The following ITGA1 variants were observed in gnomAD, a reference collection of about 807,000 sequenced individuals.
ITGA1 encodes the protein integrin subunit alpha 1, also known as integrin alpha-1.
In ITGA1, 85 loss-of-function variants were observed where a neutral mutation model predicts 145.9. The observed-to-expected ratio is 0.58, with a 90% CI of 0.49 to 0.70. The LOEUF is 0.70. Among genes scored for constraint, ITGA1 ranks in the 30% least tolerant of loss-of-function variants. ITGA1 has a pLI of 0.00. For synonymous variants in ITGA1, 520 were observed against 495.3 expected (o/e 1.05, Z -0.66); for missense variants, 1,351 against 1,418.7 (o/e 0.95, Z 0.77).
rs1750898606 is a variant in ITGA1, at chr5:52,931,938, A to AGTTGC, written c.2772-109_2772-108insGTTGC. The AGTTGC allele has an allele frequency of 2.2e-5, 14 of 644,728 alleles. No homozygotes were observed. The Admixed American group carries it at 4.0e-4, about 18-fold the overall frequency. 39.9% of individuals were successfully genotyped at this position (644,728 alleles called of 1,614,324 possible). On this transcript the variant is annotated intron_variant, in intron 21 of 28. Transcript: ENST00000282588. ...AAAAATGATTAAAAATTATACTCTT[A>AGTTGC]CATGCTTTTATTTAGTTGCCAGGAT...
chr5:52,851,341 C>G (rs1238015926), intron 2 of ITGA1, among the ~76,000 whole-genome samples: 1 of 151,960 alleles, frequency 6.6e-6, no homozygotes, highest in Admixed American at 6.6e-5. Context: ...CCTTAGTGCC[C>G]CCATTTGATC....
At chr5:52,948,561 C>G (rs1751168115) in intron 28 of ITGA1, among the ~76,000 whole-genome samples, 1 of 152,128 alleles carries the variant, frequency 6.6e-6, no homozygotes, top group African/African-American at 2.4e-5. Context: ...TAAATAGAAT[C>G]CATGGCTTTT....
In ITGA1 at chr5:52,958,112, A is replaced by G. The variant is rs1053325888; in HGVS notation, c.*5661A>G. ...GATTACTGGGAAGCAGTGAGCCAACATAATTGTCCTTTCCTCTACAGAATA... is the reference window on the plus strand; with the variant it reads ...GATTACTGGGAAGCAGTGAGCCAACGTAATTGTCCTTTCCTCTACAGAATA... On this transcript the variant is annotated 3_prime_UTR_variant, in exon 29 of 29. Coordinates refer to ENST00000282588, the MANE Select transcript of ITGA1 (RefSeq NM_181501.2). The G allele has an allele frequency of 6.6e-6, 1 of 152,154 alleles. No individual in the cohort carries two copies. Among genetic ancestry groups the G allele is most frequent in the African/African-American group, 2.4e-5 (1 of 41,426 alleles). The allele number at this position is 152,154 out of a possible 1,614,324, so 9.4% of individuals were successfully genotyped here.
chr5:52,821,469 G>A (rs1218844838), intron 1 of ITGA1, among the ~76,000 whole-genome samples: 1 of 152,064 alleles, frequency 6.6e-6, no homozygotes, highest in Non-Finnish European at 1.5e-5. Context: ...ATACAGAATT[G>A]GTAAATGGAA....
chr5:52,948,156 AGC>A (rs1751162729), intron 28 of ITGA1, among the ~76,000 whole-genome samples: 2 of 152,326 alleles, frequency 1.3e-5, no homozygotes, highest in South Asian at 4.1e-4. Context: ...AACTCTTAGC[AGC>A]TGTATAATTT....
chr5:52,929,706 GT>G lies in ITGA1; in HGVS notation c.2771+8del. The stretch of plus-strand genomic sequence containing the variant: ...CATTTATTTAAGTGCAACAAGGTTG[GT>G]TTACATGTGTATAAATGTATGTATA... On this transcript the variant is annotated splice_donor_region_variant and intron_variant, in intron 21 of 28. Transcript: ENST00000282588. The G allele has an allele frequency of 6.7e-7, 1 of 1,494,282 alleles. No homozygotes were observed. Among genetic ancestry groups the G allele is most frequent in the Non-Finnish European group, 9.3e-7 (1 of 1,076,338 alleles). The allele number at this position is 1,494,282 out of a possible 1,614,324, so 92.6% of individuals were successfully genotyped here. A position where few individuals can be genotyped will look rare whatever the true frequency, so the allele number is the denominator to read the frequency against.
In ITGA1 at chr5:52,954,746, T is replaced by C. The variant is rs1751278198; in HGVS notation, c.*2295T>C. 1 of 152,106 alleles carries C rather than the reference T, an allele frequency of 6.6e-6. No homozygotes were observed. Among genetic ancestry groups the C allele is most frequent in the Non-Finnish European group, 1.5e-5 (1 of 68,002 alleles). 9.4% of individuals were successfully genotyped at this position (152,106 alleles called of 1,614,324 possible). A position where few individuals can be genotyped will look rare whatever the true frequency, so the allele number is the denominator to read the frequency against. ...ACAAAAGCTATATCTGCAAGACAAG[T>C]TTGATTCATCTAGTTTCATATAGTT... On this transcript the variant is annotated 3_prime_UTR_variant, in exon 29 of 29. Coordinates refer to ENST00000282588, the MANE Select transcript of ITGA1 (RefSeq NM_181501.2).
At chr5:52,865,157 C>G (rs1327822355) in intron 5 of ITGA1, 75 bp downstream of exon 5, 2 of 1,058,660 alleles carry the variant, frequency 1.9e-6, no homozygotes, top group Non-Finnish European at 2.8e-6. Flanking sequence ...TACAAAGGAA[C>G]ATACCAAAAA....
Position 52,915,487 on chromosome 5 carries a change from T to C in ITGA1, c.1881T>C (p.Gly627=). The C allele has an allele frequency of 6.2e-7, 1 of 1,614,062 alleles. No homozygotes were observed. ...AGCGTATTCCATCAGGTGGGGATGG[T>C]AAGACACTGAAATTTTTTGGCCAGT... The part of the protein sequence containing the change: ...YAQRIPSGGD[G]KTLKFFGQSI... The change falls in exon 15 of 29, where the codon GGT becomes GGC. Residue 627 remains glycine (G), a synonymous_variant. Coordinates refer to ENST00000282588, the MANE Select transcript of ITGA1 (RefSeq NM_181501.2).
chr5:52,910,856 T>A (rs1437371275), intron 14 of ITGA1, among the ~76,000 whole-genome samples: 2 of 141,876 alleles, frequency 1.4e-5, no homozygotes, highest in East Asian at 4.2e-4. Flanking sequence ...AGTGTATATA[T>A]ACACACTATA....
chr5:52,918,667 T>C, intron 15 of ITGA1, 65 bp from the exon 16 acceptor site: 1 of 1,532,720 alleles, frequency 6.5e-7, no homozygotes, highest in Admixed American at 2.0e-5. Flanking sequence ...CACTTTGCAC[T>C]CCCAAGTTGA....
chr5:52,820,127 A>C (rs1268447884), intron 1 of ITGA1, among the ~76,000 whole-genome samples: 1 of 151,892 alleles, frequency 6.6e-6, no homozygotes, highest in Non-Finnish European at 1.5e-5. Context: ...TTGGCAATGC[A>C]GGCTCATTTT....
chr5:52,873,983 C>G (rs1412460654), intron 6 of ITGA1, among the ~76,000 whole-genome samples: 1 of 151,762 alleles, frequency 6.6e-6, no homozygotes, highest in Non-Finnish European at 1.5e-5. Flanking sequence ...AACTCCATTC[C>G]TTCATAACTC....
At chr5:52,890,309 T>A (rs371808368) in intron 8 of ITGA1, among the ~76,000 whole-genome samples, 1 of 152,142 alleles carries the variant, frequency 6.6e-6, no homozygotes. Context: ...TTAAAAAGAG[T>A]GTAATGCTGT....
At chr5:52,917,498 A>C (rs1409734212) in intron 15 of ITGA1, among the ~76,000 whole-genome samples, 1 of 151,362 alleles carries the variant, frequency 6.6e-6, no homozygotes, top group Non-Finnish European at 1.5e-5. Context: ...AATTAAGCTA[A>C]ATATCCAATG....
rs1164864124 is a variant in ITGA1 at position 52,887,974 on chromosome 5, G to C, written c.924+9G>C. The C allele has an allele frequency of 1.9e-6, 3 of 1,608,414 alleles. No homozygotes were observed. Among genetic ancestry groups the C allele is most frequent in the Non-Finnish European group, 2.6e-6 (3 of 1,176,136 alleles). ...AACGGTTTTCCATAGCTGTAAGTGTGTTGCCGGAGATATTTTCAAACTCTT... is the reference window on the plus strand; with the variant it reads ...AACGGTTTTCCATAGCTGTAAGTGTCTTGCCGGAGATATTTTCAAACTCTT... On this transcript the variant is annotated intron_variant, in intron 8 of 28. Coordinates refer to ENST00000282588, the MANE Select transcript of ITGA1 (RefSeq NM_181501.2).
chr5:52,892,289 C>T lies in ITGA1; in HGVS notation c.925-1386C>T, dbSNP rs189899711. 3.8e-3 allele frequency among the ~76,000 whole-genome samples: 571 copies of T among 152,096 alleles called. 4 individuals are homozygous for T. The highest frequency in any genetic ancestry group is 0.037 in the Middle Eastern group (11 of 294). ...GCAAATTAAATAAGACACCACTATA[C>T]GCTAACACAATTGCTAAAACTAACA... On this transcript the variant is annotated intron_variant, in intron 8 of 28. Coordinates refer to ENST00000282588, the MANE Select transcript of ITGA1 (RefSeq NM_181501.2).
At chr5:52,807,800 T>C (rs550898377) in intron 1 of ITGA1, among the ~76,000 whole-genome samples, 2 of 152,304 alleles carry the variant, frequency 1.3e-5, no homozygotes, top group Admixed American at 1.3e-4. Flanking sequence ...TTTATTGTTA[T>C]TTCACACCTA....
intron 28 of ITGA1, among the ~76,000 whole-genome samples, chr5:52,950,943 T>C (rs1751209678): frequency 6.6e-6 from 1 of 152,152 alleles, no homozygotes; most frequent in Non-Finnish European, 1.5e-5. Context: ...ACTTGGCTCA[T>C]ATGAAAAAGC....
Sources: gnomAD v4.1 joint callset for allele counts (sites outside exome capture counted in the v4.1 genomes callset) on GRCh38, gnomAD v4.1.1 for gene constraint, MANE v1.5 for transcripts, NCBI Gene and HGNC (gene_info 2026-07-23, HGNC 2026-07-21) for gene names.